Variants in LIN28B observed in about 807,000 individuals in gnomAD.
LIN28B encodes the protein protein lin-28 homolog B.
A neutral mutation model predicts 21.9 loss-of-function variants in LIN28B; 5 were observed. The observed-to-expected ratio is 0.23, with a 90% CI of 0.12 to 0.48. LIN28B has a LOEUF of 0.48. LIN28B is among the 20% of genes least tolerant of loss of function. LIN28B has a pLI of 0.98. For missense variants in LIN28B, 245 were observed against 310.5 expected (o/e 0.79, Z 1.58); for synonymous variants, 109 against 111.3 (o/e 0.98, Z 0.13).
At chr6:105,030,623 G>A (rs1771403017) in intron 3 of LIN28B, among the ~76,000 whole-genome samples, 1 of 120,694 alleles carries the variant, frequency 8.3e-6, no homozygotes, top group South Asian at 2.7e-4. Context: ...TGGAGACAGA[G>A]TTTGCTCTTG....
intron 2 of LIN28B, among the ~76,000 whole-genome samples, chr6:104,938,540 G>A (rs1198006463): frequency 6.6e-6 from 1 of 151,882 alleles, no homozygotes; most frequent in African/African-American, 2.4e-5. Context: ...TTAGGAGACT[G>A]AGGCACGAGA....
exon 3 of LIN28B, chr6:104,950,490 C>A: frequency 1.6e-6 from 2 of 1,228,250 alleles, no homozygotes; most frequent in Non-Finnish European, 2.0e-6. Context: ...GGTCATTCAA[C>A]CAGGTTTCAT....
intron 2 of LIN28B, among the ~76,000 whole-genome samples, chr6:105,005,558 A>G (rs927135256): frequency 3.9e-5 from 6 of 151,954 alleles, no homozygotes; most frequent in African/African-American, 1.5e-4. Context: ...AGTTCTCTTG[A>G]GATATGATGG....
intron 3 of LIN28B, among the ~76,000 whole-genome samples, chr6:105,028,138 A>G (rs1771324985): frequency 6.6e-6 from 1 of 152,198 alleles, no homozygotes; most frequent in African/African-American, 2.4e-5. Context: ...TAAAATCTTT[A>G]ACAAAGTAGT....
At chr6:105,010,414 C>A (rs973020707) in intron 2 of LIN28B, among the ~76,000 whole-genome samples, 3 of 151,384 alleles carry the variant, frequency 2.0e-5, no homozygotes, top group African/African-American at 7.3e-5. Context: ...CAACTCATTA[C>A]TTTCTCATCT....
At chr6:105,031,944 A>C (rs535779456) in intron 3 of LIN28B, among the ~76,000 whole-genome samples, 1 of 151,982 alleles carries the variant, frequency 6.6e-6, no homozygotes, top group Admixed American at 6.5e-5. Context: ...CCCCTTCCCC[A>C]CCTATAACCC....
At chr6:104,976,772 G>A (rs562874545) in intron 2 of LIN28B, among the ~76,000 whole-genome samples, 2 of 152,200 alleles carry the variant, frequency 1.3e-5, no homozygotes, top group African/African-American at 4.8e-5. Flanking sequence ...GCCAATGTCT[G>A]GTTAGAGCAT....
chr6:105,066,518 G>A (rs961952174), intron 3 of LIN28B, among the ~76,000 whole-genome samples: 4 of 152,028 alleles, frequency 2.6e-5, no homozygotes, highest in African/African-American at 4.8e-5. Context: ...ATTGATTCTT[G>A]ACTTCTATAC....
chr6:105,076,214 A>G (rs1257305851), intron 3 of LIN28B, among the ~76,000 whole-genome samples: 1 of 152,090 alleles, frequency 6.6e-6, no homozygotes, highest in East Asian at 1.9e-4. Context: ...TTTAACTACA[A>G]CATGTGATTT....
chr6:104,945,670 T>G (rs1778147938), intron 2 of LIN28B, among the ~76,000 whole-genome samples: 1 of 152,112 alleles, frequency 6.6e-6, no homozygotes, highest in East Asian at 1.9e-4. Context: ...CAACGTGATC[T>G]AACAGTGACT....
At chr6:105,057,911 T>TA (rs1290233446) in intron 3 of LIN28B, among the ~76,000 whole-genome samples, 2 of 152,208 alleles carry the variant, frequency 1.3e-5, no homozygotes, top group Admixed American at 6.5e-5. Context: ...AGTTAAAACA[T>TA]ACTTATTTTA....
upstream of LIN28B, among the ~76,000 whole-genome samples, chr6:104,953,031 C>T (rs1190133044): frequency 1.3e-5 from 2 of 152,208 alleles, no homozygotes; most frequent in Admixed American, 1.3e-4. Context: ...GTCTCCATGT[C>T]GTAGGAATGT....
At position 104,958,088 on chromosome 6, in the gene LIN28B, T is replaced by C; in HGVS notation, c.11-11T>C. On this transcript the variant is annotated splice_polypyrimidine_tract_variant and intron_variant, in intron 1 of 3. Transcript: ENST00000345080. ...AATACAGACTGACTTTTTTGTCCTG[T>C]TCCTTCTCAGGCGGGGCTAGCAAAG... The C allele has an allele frequency of 6.4e-7, 1 of 1,558,220 alleles. No homozygotes were observed. The highest frequency in any genetic ancestry group is 8.8e-7 in the Non-Finnish European group (1 of 1,142,548).
At chr6:105,052,619 G>C (rs1771930187) in intron 3 of LIN28B, among the ~76,000 whole-genome samples, 1 of 152,086 alleles carries the variant, frequency 6.6e-6, no homozygotes, top group African/African-American at 2.4e-5. Flanking sequence ...ATTTTCTTAT[G>C]TTTTGTTTCT....
chr6:105,054,445 A>G (rs1013233060), intron 3 of LIN28B, among the ~76,000 whole-genome samples: 18 of 152,260 alleles, frequency 1.2e-4, no homozygotes, highest in African/African-American at 4.1e-4. Flanking sequence ...CAGTGTTATT[A>G]CTTTTGCTTT....
chr6:105,011,006 G>T (rs1353789355), intron 2 of LIN28B, among the ~76,000 whole-genome samples: 3 of 152,192 alleles, frequency 2.0e-5, no homozygotes, highest in Admixed American at 2.0e-4. Context: ...ATTGTTGGGA[G>T]ATAACTTTCC....
intron 3 of LIN28B, among the ~76,000 whole-genome samples, chr6:105,029,056 C>T (rs958180434): frequency 7.2e-5 from 11 of 152,132 alleles, no homozygotes; most frequent in Admixed American, 2.6e-4. Context: ...GAAACTTGAC[C>T]GCTTAGCAAC....
chr6:104,943,509 T>C (rs993264336), intron 2 of LIN28B, among the ~76,000 whole-genome samples: 5 of 152,184 alleles, frequency 3.3e-5, no homozygotes, highest in African/African-American at 1.2e-4. Flanking sequence ...TAAACATTTA[T>C]CTTAATCCAA....
At chr6:104,964,048 C>T (rs1177699165) in intron 2 of LIN28B, among the ~76,000 whole-genome samples, 1 of 152,140 alleles carries the variant, frequency 6.6e-6, no homozygotes, top group Non-Finnish European at 1.5e-5. Flanking sequence ...TTGTCGCTTT[C>T]AGGCAGCAAC....
Sources: gnomAD v4.1 joint callset for allele counts (sites outside exome capture counted in the v4.1 genomes callset) on GRCh38, gnomAD v4.1.1 for gene constraint, MANE v1.5 for transcripts, NCBI Gene and HGNC (gene_info 2026-07-23, HGNC 2026-07-21) for gene names.